DEPDC5: variants seen among roughly 807,000 people sequenced by gnomAD.
DEPDC5 encodes the protein GATOR1 complex protein DEPDC5.
In DEPDC5, 73 loss-of-function variants were observed where a neutral mutation model predicts 217.3. The ratio of observed to expected loss-of-function variants is 0.34; its 90% CI spans 0.28 to 0.41. DEPDC5 has a LOEUF of 0.41. DEPDC5 is among the 10% of genes least tolerant of loss of function. The pLI is 1.00. For missense variants in DEPDC5, 1,675 were observed against 2,070.1 expected, an observed-to-expected ratio of 0.81 and a Z score of 3.70; for synonymous variants, 733 against 756.7, an observed-to-expected ratio of 0.97 and a Z score of 0.51.
chr22:31,843,910 T>A (rs2091553017), intron 29 of DEPDC5, 98 bp downstream of exon 29: 1 of 1,315,812 alleles, frequency 7.6e-7, no homozygotes, highest in African/African-American at 1.5e-5. Flanking sequence ...CTCTCCCTTT[T>A]TCTTTTTTTT....
intron 3 of DEPDC5, among the ~76,000 whole-genome samples, chr22:31,759,291 GTCATCCAT>G (rs1395745309): frequency 6.6e-6 from 1 of 151,730 alleles, no homozygotes; most frequent in Middle Eastern, 3.2e-3. Flanking sequence ...CTTGTCTCAA[GTCATCCAT>G]CCTGCTAGGC....
chr22:31,822,549 G>A lies in DEPDC5; in HGVS notation c.2007-144G>A, dbSNP rs2089796777. 3 of 711,900 alleles carry A rather than the reference G, an allele frequency of 4.2e-6. No individual in the cohort carries two copies. The South Asian group carries it at 5.3e-5, about 12-fold the overall frequency. 44.1% of individuals were successfully genotyped at this position (711,900 alleles called of 1,614,324 possible). On this transcript the variant is annotated intron_variant, in intron 23 of 42. Coordinates refer to ENST00000651528, the MANE Select transcript of DEPDC5 (RefSeq NM_001242896.3). Reference sequence around the variant, plus strand: ...CTGTGGCCTGGTGGCTTAAGATAAGGATTCCAGTGGCTGCCAGCTTGAGTT... The same window carrying A: ...CTGTGGCCTGGTGGCTTAAGATAAGAATTCCAGTGGCTGCCAGCTTGAGTT...
intron 38 of DEPDC5, among the ~76,000 whole-genome samples, chr22:31,884,676 T>C (rs1602725168): frequency 6.6e-6 from 1 of 152,270 alleles, no homozygotes; most frequent in East Asian, 1.9e-4. Context: ...CAGTGGCCTT[T>C]ATTACCCCAA....
At chr22:31,862,275 T>C (rs540322930) in intron 33 of DEPDC5, among the ~76,000 whole-genome samples, 5 of 150,988 alleles carry the variant, frequency 3.3e-5, no homozygotes, top group Non-Finnish European at 7.4e-5. Context: ...AATAAAAGAT[T>C]TGGACGAGGC....
chr22:31,756,430 T>A (rs1397245524), intron 2 of DEPDC5, among the ~76,000 whole-genome samples: 1 of 152,236 alleles, frequency 6.6e-6, no homozygotes, highest in Non-Finnish European at 1.5e-5. Flanking sequence ...TCTGCTAAAA[T>A]GCACAGTCTA....
intron 4 of DEPDC5, among the ~76,000 whole-genome samples, 170 bp from the exon 5 acceptor site, chr22:31,764,805 A>G (rs1380243624): frequency 6.6e-6 from 1 of 152,148 alleles, no homozygotes; most frequent in Non-Finnish European, 1.5e-5. Context: ...TATTTCACCT[A>G]AAAAGCAGAG....
In DEPDC5 at chr22:31,901,790, C is replaced by G. The variant is rs748312826; in HGVS notation, c.4424C>G (p.Ala1475Gly). 6.2e-7 allele frequency: 1 copy of G among 1,613,468 alleles called. No individual in the cohort carries two copies. The highest frequency in any genetic ancestry group is 8.5e-7 in the Non-Finnish European group (1 of 1,179,654). ...GATCGAATGCACCTCTTCCAGGAAG[C>G]CATTGCACACAGGTTTGTCCCTTAG... ...YWDRMHLFQE[A>G]IAHRFGFVQD... The change falls in exon 41 of 43, where the codon GCC becomes GGC. Residue 1475 changes from alanine to glycine, a missense_variant. Ala to Gly is a moderately conservative substitution (Grantham distance 60, BLOSUM62 0). Coordinates refer to ENST00000651528, the MANE Select transcript of DEPDC5 (RefSeq NM_001242896.3).
chr22:31,860,855 A>G (rs532502544), intron 32 of DEPDC5, among the ~76,000 whole-genome samples: 2 of 152,028 alleles, frequency 1.3e-5, no homozygotes, highest in Non-Finnish European at 2.9e-5. Flanking sequence ...GGCTCAATGT[A>G]TCTCTCCAAG....
chr22:31,790,872 G>A (rs868243270), intron 10 of DEPDC5, among the ~76,000 whole-genome samples: 75 of 150,502 alleles, frequency 5.0e-4, no homozygotes, highest in African/African-American at 1.7e-3. Flanking sequence ...TCAGCCTCCT[G>A]AGTAGCTGCA....
At chr22:31,771,121 G>T (rs1338323759) in intron 7 of DEPDC5, among the ~76,000 whole-genome samples, 1 of 152,116 alleles carries the variant, frequency 6.6e-6, no homozygotes, top group African/African-American at 2.4e-5. Flanking sequence ...ATCCATTGAG[G>T]ATTGTTGTAA....
At chr22:31,766,712 T>C (rs760693410) in intron 6 of DEPDC5, 44 bp downstream of exon 6, 3 of 1,541,962 alleles carry the variant, frequency 1.9e-6, no homozygotes, top group African/African-American at 1.4e-5. Context: ...TTTTCCATTA[T>C]GTGAATAATC....
intron 6 of DEPDC5, 91 bp from the exon 7 acceptor site, chr22:31,768,723 T>C (rs981614448): frequency 1.3e-5 from 15 of 1,131,358 alleles, no homozygotes; most frequent in Middle Eastern, 2.6e-4. Context: ...TTGTGATTTT[T>C]CATGGCCTTA....
intron 10 of DEPDC5, among the ~76,000 whole-genome samples, chr22:31,788,264 ATTTTTTT>A (rs75378797): frequency 8.8e-5 from 8 of 90,694 alleles, no homozygotes; most frequent in South Asian, 3.5e-4. Context: ...GGATGACTGT[ATTTTTTT>A]TTTTTTTTTT....
chr22:31,865,710 C>G (rs774051796), intron 33 of DEPDC5, among the ~76,000 whole-genome samples: 1 of 152,170 alleles, frequency 6.6e-6, no homozygotes, highest in Non-Finnish European at 1.5e-5. Flanking sequence ...TAATGCCTGT[C>G]TTTGCTCACC....
At chr22:31,814,077 G>C (rs2088781195) in intron 20 of DEPDC5, 1 of 152,228 alleles carries the variant, frequency 6.6e-6, no homozygotes, top group African/African-American at 2.4e-5. Context: ...GGAGGCTGCA[G>C]TGAGCTGAGA....
chr22:31,867,033 G>A (rs1569151468), intron 33 of DEPDC5, among the ~76,000 whole-genome samples: 1 of 152,190 alleles, frequency 6.6e-6, no homozygotes, highest in Non-Finnish European at 1.5e-5. Context: ...CTAAAGCGGA[G>A]GGGGGAGTAT....
At chr22:31,888,086 G>A (rs980200275) in intron 38 of DEPDC5, among the ~76,000 whole-genome samples, 1 of 151,972 alleles carries the variant, frequency 6.6e-6, no homozygotes, top group African/African-American at 2.4e-5. Flanking sequence ...GACCTTCTCT[G>A]GCTTGGCTCA....
At chr22:31,869,363 G>A (rs377065037) in intron 33 of DEPDC5, among the ~76,000 whole-genome samples, 1 of 151,966 alleles carries the variant, frequency 6.6e-6, no homozygotes, top group African/African-American at 2.4e-5. Flanking sequence ...GGACTGAATC[G>A]GAACAGTTTG....
At chr22:31,838,990 A>G (rs745745952) in intron 27 of DEPDC5, 145 bp downstream of exon 27, 9 of 870,346 alleles carry the variant, frequency 1.0e-5, no homozygotes, top group Non-Finnish European at 1.4e-5. Context: ...TTAAGTGAGG[A>G]ATAAAGTCTC....
Sources: allele counts gnomAD v4.1 joint callset (sites outside exome capture counted in the v4.1 genomes callset), GRCh38; gene constraint gnomAD v4.1.1; transcripts MANE v1.5; gene names NCBI Gene and HGNC (gene_info 2026-07-23, HGNC 2026-07-21).